The following ALK variants were observed in gnomAD, a reference collection of about 807,000 sequenced individuals.
ALK encodes the protein ALK tyrosine kinase receptor.
A neutral mutation model predicts 163.1 loss-of-function variants in ALK; 74 were observed. The observed-to-expected ratio is 0.45, with a 90% CI of 0.38 to 0.55. The LOEUF (loss-of-function observed/expected upper bound fraction) is 0.55. ALK is among the 20% of genes least tolerant of loss of function. ALK has a pLI of 0.00. For synonymous variants in ALK, 960 were observed against 843.2 expected, an observed-to-expected ratio of 1.14 and a Z score of -2.40; for missense variants, 2,063 against 2,105.3, an observed-to-expected ratio of 0.98 and a Z score of 0.39.
intron 9 of ALK, 116 bp downstream of exon 9, chr2:29,296,772 T>C (rs897600104): frequency 1.6e-6 from 2 of 1,239,452 alleles, no homozygotes; most frequent in Admixed American, 3.7e-5. Context: ...TATCGGTGTG[T>C]GGGCACATCT....
chr2:29,583,463 G>C (rs1001631637), intron 3 of ALK, among the ~76,000 whole-genome samples: 2 of 151,856 alleles, frequency 1.3e-5, no homozygotes, highest in Non-Finnish European at 2.9e-5. Context: ...CGAACTCCTG[G>C]CTAGACCCCT....
intron 2 of ALK, among the ~76,000 whole-genome samples, chr2:29,708,603 G>T (rs1450575728): frequency 6.6e-6 from 1 of 152,150 alleles, no homozygotes; most frequent in Non-Finnish European, 1.5e-5. Flanking sequence ...GAAACCCAAG[G>T]TATTCAAGGG....
At chr2:29,472,306 T>C (rs1313445716) in intron 4 of ALK, among the ~76,000 whole-genome samples, 1 of 152,234 alleles carries the variant, frequency 6.6e-6, no homozygotes, top group East Asian at 1.9e-4. Flanking sequence ...GGGGCAAGCC[T>C]TTCTTACTGT....
intron 24 of ALK, 66 bp downstream of exon 24, chr2:29,213,918 A>C: frequency 7.3e-7 from 1 of 1,368,836 alleles, no homozygotes; most frequent in Admixed American, 1.7e-5. Flanking sequence ...TGAGCCCTTG[A>C]GATCTGCGGG....
At chr2:29,475,836 A>G (rs1204874221) in intron 4 of ALK, among the ~76,000 whole-genome samples, 1 of 151,106 alleles carries the variant, frequency 6.6e-6, no homozygotes, top group African/African-American at 2.4e-5. Context: ...GAGTGCCTGA[A>G]GAGGAATTGT....
chr2:29,294,577 GTTGTGATTTGTGCTAT>G (rs1349491406), intron 9 of ALK, among the ~76,000 whole-genome samples: 2 of 152,202 alleles, frequency 1.3e-5, no homozygotes, highest in Non-Finnish European at 2.9e-5. Flanking sequence ...AAGATCAGTG[GTTGTGATTTGTGCTAT>G]TTGTTTAATA....
intron 1 of ALK, among the ~76,000 whole-genome samples, chr2:29,861,258 C>G (rs1666283872): frequency 6.6e-6 from 1 of 152,096 alleles, no homozygotes; most frequent in Admixed American, 6.6e-5. Context: ...GAAGAACAAA[C>G]TAAGCCCGAA....
chr2:29,473,265 A>C (rs1671414618), intron 4 of ALK, among the ~76,000 whole-genome samples: 2 of 152,258 alleles, frequency 1.3e-5, no homozygotes, highest in Non-Finnish European at 2.9e-5. Context: ...CAGTGGAGAA[A>C]GGAGAATCTT....
intron 3 of ALK, among the ~76,000 whole-genome samples, chr2:29,576,720 G>A (rs1013194447): frequency 6.6e-6 from 1 of 152,098 alleles, no homozygotes; most frequent in Non-Finnish European, 1.5e-5. Context: ...ATCACCGCCT[G>A]AGCTCCACCT....
intron 3 of ALK, among the ~76,000 whole-genome samples, chr2:29,571,720 G>A (rs568042782): frequency 2.1e-4 from 30 of 144,948 alleles, no homozygotes; most frequent in African/African-American, 7.8e-4. Context: ...GGGTTCAAGC[G>A]ATTCTTCTGC....
chr2:29,920,668 A>G lies in ALK; in HGVS notation c.-9T>C, dbSNP rs925307892. The G allele has an allele frequency of 3.3e-6, 5 of 1,534,324 alleles. No individual in the cohort carries two copies. The highest frequency in any genetic ancestry group is 2.3e-4 in the Middle Eastern group (1 of 4,418). ...AGCCCGATGGCTCCCATCCCGCCGG[A>G]GGAGGCCGTTTACACTGCTCTCCGG... On this transcript the variant is annotated 5_prime_UTR_variant, in exon 1 of 29. Coordinates refer to ENST00000389048, the MANE Select transcript of ALK (RefSeq NM_004304.5).
At chr2:29,317,076 C>T (rs13001020) in intron 8 of ALK, among the ~76,000 whole-genome samples, 8,248 of 152,180 alleles carry the variant, frequency 0.054, 295 homozygotes, top group South Asian at 0.11. Flanking sequence ...ATGAGAAACT[C>T]GAGGGGCTTG....
chr2:29,235,961 G>T (rs1274884437), intron 13 of ALK, among the ~76,000 whole-genome samples: 1 of 139,336 alleles, frequency 7.2e-6, no homozygotes, highest in Non-Finnish European at 1.5e-5. Flanking sequence ...TCTTGCCTCA[G>T]CCGCCTGAGT....
At chr2:29,567,599 G>A (rs1287022246) in intron 3 of ALK, among the ~76,000 whole-genome samples, 1 of 152,052 alleles carries the variant, frequency 6.6e-6, no homozygotes, top group Non-Finnish European at 1.5e-5. Context: ...TGCTTCACCT[G>A]AAAAAGTTTT....
At chr2:29,490,608 C>CTGTTCTCAAAGATGT (rs1014152249) in intron 4 of ALK, among the ~76,000 whole-genome samples, 1 of 152,160 alleles carries the variant, frequency 6.6e-6, no homozygotes, top group African/African-American at 2.4e-5. Context: ...TTGAGAACCA[C>CTGTTCTCAAAGATGT]TGTGTTCGAC....
intron 4 of ALK, among the ~76,000 whole-genome samples, chr2:29,418,182 G>T (rs1669926387): frequency 6.6e-6 from 1 of 152,142 alleles, no homozygotes; most frequent in Non-Finnish European, 1.5e-5. Context: ...ACCTTTGAGG[G>T]CTAACTCTGC....
intron 11 of ALK, among the ~76,000 whole-genome samples, chr2:29,264,263 T>C (rs920681505): frequency 2.0e-5 from 3 of 152,226 alleles, no homozygotes; most frequent in African/African-American, 7.2e-5. Flanking sequence ...CCTTGAAGAT[T>C]TCCCTAGGCC....
chr2:29,715,816 CTCAG>C (rs1167703605), intron 2 of ALK, among the ~76,000 whole-genome samples: 1 of 152,210 alleles, frequency 6.6e-6, no homozygotes, highest in Non-Finnish European at 1.5e-5. Context: ...TAAGATGACA[CTCAG>C]TGTCTGGTTT....
chr2:29,365,805 A>T (rs1275062580), intron 5 of ALK, among the ~76,000 whole-genome samples: 1 of 152,208 alleles, frequency 6.6e-6, no homozygotes, highest in Non-Finnish European at 1.5e-5. Context: ...ATAAAAGGGC[A>T]CTGATACCTC....
Sources: allele counts gnomAD v4.1 joint callset (sites outside exome capture counted in the v4.1 genomes callset), GRCh38; gene constraint gnomAD v4.1.1; transcripts MANE v1.5; gene names NCBI Gene and HGNC (gene_info 2026-07-23, HGNC 2026-07-21).